The following MDN1 variants were observed in gnomAD, a reference collection of about 807,000 sequenced individuals.
MDN1 encodes midasin.
MDN1 carries 266 observed loss-of-function variants against 669.2 expected under a neutral mutation model. That is an observed-to-expected ratio of 0.40 (90% CI 0.36 to 0.44). The LOEUF (loss-of-function observed/expected upper bound fraction) is 0.44, where lower values mean the gene tolerates loss of function less well. Ranked by LOEUF, MDN1 falls within the 20% of genes least tolerant of loss-of-function variation. The pLI is 1.00. For synonymous variants in MDN1, 2,385 were observed against 2,457.1 expected (o/e 0.97, Z 0.87); for missense variants, 5,940 against 6,754.0 (o/e 0.88, Z 4.22).
At chr6:89,813,232 C>T (rs967634583) in intron 1 of MDN1, among the ~76,000 whole-genome samples, 4 of 152,146 alleles carry the variant, frequency 2.6e-5, no homozygotes, top group South Asian at 4.1e-4. Flanking sequence ...CCATCGTGCC[C>T]GGCCACAAAA....
intron 90 of MDN1, 29 bp from the exon 91 acceptor site, chr6:89,656,830 G>C: frequency 6.3e-7 from 1 of 1,580,772 alleles, no homozygotes; most frequent in Non-Finnish European, 8.7e-7. Flanking sequence ...AAAAGAATGA[G>C]GTGAAAGAAG....
At position 89,718,587 on chromosome 6, in the gene MDN1, AC is replaced by A; in HGVS notation, c.6361del (p.Val2121TrpfsTer5). 6.2e-7 allele frequency: 1 copy of A among 1,613,952 alleles called. No homozygotes were observed. On this transcript the variant is annotated frameshift_variant, in exon 43 of 102. Coordinates refer to ENST00000369393, the MANE Select transcript of MDN1 (RefSeq NM_014611.3). LOFTEE classifies it high-confidence loss of function. ...TAACAGTGCCCTTACAGTTCCCTCCACCTTCTCTAGCAGCCTCCTCCAAGGT... is the reference window on the plus strand; with the variant it reads ...TAACAGTGCCCTTACAGTTCCCTCCACTTCTCTAGCAGCCTCCTCCAAGGT... ...IRPWRRLLEKVEGTVRALLRD... is the reference protein window; with the variant it reads ...IRPWRRLLEKXEGTVRALLRD...
chr6:89,750,989 T>TC (rs1163162435), intron 23 of MDN1, among the ~76,000 whole-genome samples: 1 of 151,822 alleles, frequency 6.6e-6, no homozygotes, highest in African/African-American at 2.4e-5. Context: ...TCCTTTTTTT[T>TC]CCCCTTTTTA....
At chr6:89,673,885 C>T (rs996268860) in intron 79 of MDN1, among the ~76,000 whole-genome samples, 4 of 152,156 alleles carry the variant, frequency 2.6e-5, no homozygotes, top group African/African-American at 9.6e-5. Flanking sequence ...TGTCTGGCAT[C>T]CTTTTGCTAA....
intron 82 of MDN1, 54 bp downstream of exon 82, chr6:89,672,146 C>T: frequency 3.3e-6 from 5 of 1,499,026 alleles, no homozygotes; most frequent in Non-Finnish European, 4.4e-6. Context: ...GCCCACTCTG[C>T]CTTTGCTCAG....
At chr6:89,690,534 G>C (rs1022823462) in intron 64 of MDN1, 139 bp downstream of exon 64, 15 of 1,097,280 alleles carry the variant, frequency 1.4e-5, no homozygotes, top group Non-Finnish European at 1.8e-5. Flanking sequence ...CTCCAGCCTG[G>C]GTGATAGAGC....
chr6:89,745,207 G>C, intron 29 of MDN1, 66 bp downstream of exon 29: 1 of 1,454,628 alleles, frequency 6.9e-7, no homozygotes, highest in Non-Finnish European at 9.3e-7. Context: ...GAGTTCTTCA[G>C]TGATAACTCA....
At chr6:89,681,931 C>T (rs914684059) in intron 73 of MDN1, among the ~76,000 whole-genome samples, 3 of 152,102 alleles carry the variant, frequency 2.0e-5, no homozygotes, top group Non-Finnish European at 2.9e-5. Flanking sequence ...GGATTACAGC[C>T]GTGAGCCACT....
At chr6:89,648,813 CAAA>C (rs61330666) in intron 97 of MDN1, among the ~76,000 whole-genome samples, 2 of 122,124 alleles carry the variant, frequency 1.6e-5, no homozygotes. Flanking sequence ...ACCCTGTCTT[CAAA>C]AAAAAAAAAA....
intron 11 of MDN1, 58 bp from the exon 12 acceptor site, chr6:89,776,753 G>T (rs1818376624): frequency 4.1e-6 from 5 of 1,219,958 alleles, no homozygotes; most frequent in African/African-American, 1.5e-5. Context: ...ATTAATCACA[G>T]AACATCATTT....
chr6:89,720,785 C>T (rs1370465199), intron 40 of MDN1, among the ~76,000 whole-genome samples: 1 of 152,078 alleles, frequency 6.6e-6, no homozygotes, highest in Admixed American at 6.6e-5. Context: ...TGAAAGTCAC[C>T]TACGTATGAT....
intron 5 of MDN1, among the ~76,000 whole-genome samples, chr6:89,793,432 G>A (rs1819385515): frequency 6.6e-6 from 1 of 152,174 alleles, no homozygotes; most frequent in Admixed American, 6.5e-5. Flanking sequence ...ACAGGGACAG[G>A]CTGGGTGCAG....
chr6:89,719,080 G>A, intron 41 of MDN1, 50 bp from the exon 42 acceptor site: 2 of 1,613,340 alleles, frequency 1.2e-6, no homozygotes, highest in Non-Finnish European at 1.7e-6. Context: ...GGTAGTGGGA[G>A]CAGAAGAAAC....
In MDN1 at chr6:89,738,589, G is replaced by A. The variant is rs1816125458; in HGVS notation, c.4594-134C>T. 1.2e-5 allele frequency: 11 copies of A among 904,476 alleles called. 1 individual carries two copies. The allele number at this position is 904,476 out of a possible 1,614,324, so 56.0% of individuals were successfully genotyped here. A position where few individuals can be genotyped will look rare whatever the true frequency, so the allele number is the denominator to read the frequency against. Reference sequence around the variant, plus strand: ...CTTTTAAAAATTATTTCTACTATCAGATATAATTAATTGAAGATGTACTTT... The same window carrying A: ...CTTTTAAAAATTATTTCTACTATCAAATATAATTAATTGAAGATGTACTTT... On this transcript the variant is annotated intron_variant, in intron 32 of 101. Coordinates refer to ENST00000369393, the MANE Select transcript of MDN1 (RefSeq NM_014611.3).
At chr6:89,778,516 C>T (rs1051984711) in intron 11 of MDN1, among the ~76,000 whole-genome samples, 1 of 152,054 alleles carries the variant, frequency 6.6e-6, no homozygotes, top group Non-Finnish European at 1.5e-5. Context: ...GTTATCCCTA[C>T]ATATTCCTGG....
intron 10 of MDN1, 105 bp downstream of exon 10, chr6:89,781,294 T>A: frequency 7.2e-6 from 8 of 1,111,716 alleles, no homozygotes; most frequent in Admixed American, 4.0e-5. Context: ...GAGGTTGGAG[T>A]GAGCCAAAAC....
At chr6:89,671,561 A>G (rs1050618601) in intron 82 of MDN1, among the ~76,000 whole-genome samples, 1 of 152,134 alleles carries the variant, frequency 6.6e-6, no homozygotes, top group Non-Finnish European at 1.5e-5. Context: ...GTGCATGCCT[A>G]TACTGCCAGC....
At chr6:89,778,205 A>T (rs1382613279) in intron 11 of MDN1, among the ~76,000 whole-genome samples, 1 of 112,226 alleles carries the variant, frequency 8.9e-6, no homozygotes, top group Non-Finnish European at 2.2e-5. Context: ...TCAACTAATA[A>T]AAAAAAAAAA....
At chr6:89,749,795 A>G in intron 24 of MDN1, 44 bp from the exon 25 acceptor site, 2 of 1,420,308 alleles carry the variant, frequency 1.4e-6, no homozygotes, top group Non-Finnish European at 2.0e-6. Context: ...AAATCAGTAC[A>G]AAGTTTTAAA....
Sources: gnomAD v4.1 joint callset for allele counts (sites outside exome capture counted in the v4.1 genomes callset) on GRCh38, gnomAD v4.1.1 for gene constraint, MANE v1.5 for transcripts, NCBI Gene and HGNC (gene_info 2026-07-23, HGNC 2026-07-21) for gene names.